FBXW7: variants seen among roughly 807,000 people sequenced by gnomAD.
The protein encoded by FBXW7 is F-box and WD repeat domain containing 7.
In FBXW7, 11 loss-of-function variants were observed where a neutral mutation model predicts 86.3. That is an observed-to-expected ratio of 0.13 (90% CI 0.08 to 0.21). The LOEUF (loss-of-function observed/expected upper bound fraction) is 0.21, where lower values mean the gene tolerates loss of function less well. Ranked by LOEUF, FBXW7 falls within the 10% of genes least tolerant of loss-of-function variation. FBXW7 has a pLI of 1.00. For missense variants in FBXW7, 488 were observed against 847.4 expected, an observed-to-expected ratio of 0.58 and a Z score of 5.27; for synonymous variants, 313 against 297.9, an observed-to-expected ratio of 1.05 and a Z score of -0.52.
chr4:152,355,044 T>C (rs1277271258), intron 4 of FBXW7, among the ~76,000 whole-genome samples: 1 of 152,106 alleles, frequency 6.6e-6, no homozygotes, highest in Non-Finnish European at 1.5e-5. Flanking sequence ...CTGTGAAGAA[T>C]CTGTCAAGCA....
chr4:152,471,570 A>G (rs1030899941), intron 2 of FBXW7, among the ~76,000 whole-genome samples: 4 of 151,482 alleles, frequency 2.6e-5, no homozygotes, highest in African/African-American at 4.9e-5. Flanking sequence ...AGGAAGAGAG[A>G]AAGAGAGAGG....
chr4:152,419,494 A>AACACACACACACACAC lies in FBXW7; in HGVS notation c.-119-6981_-119-6966dup, dbSNP rs57894523. ...TGGTAAGGCCCACTAGGATAAGGTA[A>AACACACACACACACAC]ACACACACACACACACACACACACA... is the stretch of plus-strand genomic sequence containing the variant. On this transcript the variant is annotated intron_variant, in intron 2 of 13. Coordinates refer to ENST00000281708, the MANE Select transcript of FBXW7 (RefSeq NM_001349798.2). 9.4e-3 allele frequency among the ~76,000 whole-genome samples: 1,155 copies of AACACACACACACACAC among 123,314 alleles called. 10 individuals carry two copies. The highest frequency in any genetic ancestry group is 0.022 in the African/African-American group (739 of 33,074). 80.9% of individuals were successfully genotyped at this position (123,314 alleles called of 152,430 possible). A position where few individuals can be genotyped will look rare whatever the true frequency, so the allele number is the denominator to read the frequency against.
At position 152,388,282 on chromosome 4, in the gene FBXW7, C is replaced by T. The variant is rs185703633; in HGVS notation, c.501+23021G>A. Among the ~76,000 whole-genome samples, 50 of 152,058 alleles carry T rather than the reference C, an allele frequency of 3.3e-4. No individual in the cohort carries two copies. In the Middle Eastern group the frequency reaches 0.01, roughly 31 times the overall value. On this transcript the variant is annotated intron_variant, in intron 4 of 13. Coordinates refer to ENST00000281708, the MANE Select transcript of FBXW7 (RefSeq NM_001349798.2). ...TCTTCATTTGGGCAACAAGGGCGGC[C>T]CCTAACTAAGAGAAATATGCTTGGG...
intron 2 of FBXW7, among the ~76,000 whole-genome samples, chr4:152,465,123 C>T (rs1277122030): frequency 2.6e-5 from 4 of 151,682 alleles, no homozygotes; most frequent in Admixed American, 2.6e-4. Context: ...AGCTGTGCTA[C>T]CTATTATATA....
At chr4:152,371,062 C>T (rs1204823779) in intron 4 of FBXW7, among the ~76,000 whole-genome samples, 1 of 151,902 alleles carries the variant, frequency 6.6e-6, no homozygotes, top group Non-Finnish European at 1.5e-5. Flanking sequence ...TGAATTGAAA[C>T]TGCTAACATT....
chr4:152,357,532 G>A (rs1299223926), intron 4 of FBXW7, among the ~76,000 whole-genome samples: 1 of 151,826 alleles, frequency 6.6e-6, no homozygotes, highest in Non-Finnish European at 1.5e-5. Flanking sequence ...TGTTGGCCAG[G>A]CTAGTCTCGA....
chr4:152,362,135 T>G (rs1267210823), intron 4 of FBXW7, among the ~76,000 whole-genome samples: 1 of 152,098 alleles, frequency 6.6e-6, no homozygotes, highest in Non-Finnish European at 1.5e-5. Flanking sequence ...TGATGACTAT[T>G]AAACAAATAT....
chr4:152,480,751 A>G (rs1218065764), intron 2 of FBXW7, among the ~76,000 whole-genome samples: 2 of 152,228 alleles, frequency 1.3e-5, no homozygotes, highest in African/African-American at 4.8e-5. Context: ...ACCAGCCACA[A>G]TATTCCCTTA....
At chr4:152,432,932 T>C (rs565514848) in intron 2 of FBXW7, among the ~76,000 whole-genome samples, 2 of 152,316 alleles carry the variant, frequency 1.3e-5, no homozygotes, top group East Asian at 3.9e-4. Context: ...TCAGTGCAGA[T>C]TAGTTTTGTG....
At chr4:152,426,902 T>C (rs977931640) in intron 2 of FBXW7, among the ~76,000 whole-genome samples, 1 of 151,586 alleles carries the variant, frequency 6.6e-6, no homozygotes, top group African/African-American at 2.4e-5. Flanking sequence ...GAAAACAGAG[T>C]CAAGAAATCT....
Position 152,328,409 on chromosome 4 carries a change from G to A in FBXW7, c.1237-20C>T, listed in dbSNP as rs2126516863. ...CAGACACTGGAAAAACACTTAAGATGATTACTTTTGGGTAGAAAGGAAAAG... is the reference window on the plus strand; with the variant it reads ...CAGACACTGGAAAAACACTTAAGATAATTACTTTTGGGTAGAAAGGAAAAG... On this transcript the variant is annotated intron_variant, in intron 10 of 13. Transcript: ENST00000281708. 1 of 1,421,856 alleles carries A rather than the reference G, an allele frequency of 7.0e-7. No individual in the cohort carries two copies. The highest frequency in any genetic ancestry group is 9.3e-7 in the Non-Finnish European group (1 of 1,079,776). 88.1% of individuals were successfully genotyped at this position (1,421,856 alleles called of 1,614,324 possible). A position where few individuals can be genotyped will look rare whatever the true frequency, so the allele number is the denominator to read the frequency against.
At chr4:152,338,463 GT>G (rs1342646150) in intron 6 of FBXW7, among the ~76,000 whole-genome samples, 2 of 152,064 alleles carry the variant, frequency 1.3e-5, no homozygotes, top group South Asian at 2.1e-4. Flanking sequence ...GATTTGTTAT[GT>G]GAAAACAAAT....
intron 2 of FBXW7, among the ~76,000 whole-genome samples, chr4:152,483,067 C>T (rs1267719983): frequency 6.6e-6 from 1 of 152,040 alleles, no homozygotes; most frequent in Non-Finnish European, 1.5e-5. Context: ...TACTGGTGAA[C>T]ATTCAGATTA....
intron 8 of FBXW7, 35 bp downstream of exon 8, chr4:152,332,561 T>C: frequency 6.7e-7 from 1 of 1,497,426 alleles, no homozygotes; most frequent in Non-Finnish European, 9.0e-7. Flanking sequence ...CTTTTCAAAG[T>C]ATAAACATAT....
At chr4:152,475,705 A>G (rs185931164) in intron 2 of FBXW7, among the ~76,000 whole-genome samples, 117 of 152,370 alleles carry the variant, frequency 7.7e-4, no homozygotes, top group African/African-American at 2.7e-3. Context: ...ATATTTTTAT[A>G]TATCAGCAAT....
chr4:152,497,954 A>T (rs774225675), intron 2 of FBXW7, among the ~76,000 whole-genome samples: 2 of 152,224 alleles, frequency 1.3e-5, no homozygotes, highest in Non-Finnish European at 2.9e-5. Context: ...AAAAAAACAC[A>T]GGTCATCTTT....
At chr4:152,426,663 C>T (rs1196940242) in intron 2 of FBXW7, among the ~76,000 whole-genome samples, 1 of 152,154 alleles carries the variant, frequency 6.6e-6, no homozygotes, top group African/African-American at 2.4e-5. Flanking sequence ...AAATAACCGG[C>T]CGCCCAGCAG....
intron 4 of FBXW7, among the ~76,000 whole-genome samples, chr4:152,378,534 T>C (rs1734765498): frequency 6.6e-6 from 1 of 152,180 alleles, no homozygotes; most frequent in East Asian, 1.9e-4. Flanking sequence ...TCAAACCAGA[T>C]ATATTTAAGT....
rs1728985241 is a variant in FBXW7, at chr4:152,326,012, T to C, written c.1638A>G (p.Ser546=). 3 of 1,612,288 alleles carry C rather than the reference T, an allele frequency of 1.9e-6. No homozygotes were observed. The highest frequency in any genetic ancestry group is 2.2e-5 in the South Asian group (2 of 91,026). ...TLQGHTNRVY[S]LQFDGIHVVS... ...GAGAGATAAGAGATCTTACCTGTAA[T>C]GAATAGACTCTATTAGTATGCCCCT... Residue 546 remains serine, a synonymous_variant, in exon 12 of 14, where the codon TCA becomes TCG. Transcript: ENST00000281708.
Sources: allele counts gnomAD v4.1 joint callset (sites outside exome capture counted in the v4.1 genomes callset), GRCh38; gene constraint gnomAD v4.1.1; transcripts MANE v1.5; gene names NCBI Gene and HGNC (gene_info 2026-07-23, HGNC 2026-07-21).